The following PTBP3 variants were observed in gnomAD, a reference collection of about 807,000 sequenced individuals.
The protein encoded by PTBP3 is polypyrimidine tract binding protein 3.
A neutral mutation model predicts 58.7 loss-of-function variants in PTBP3; 20 were observed. The observed-to-expected ratio is 0.34, with a 90% confidence interval of 0.24 to 0.50. PTBP3 has a LOEUF of 0.50. Among genes scored for constraint, PTBP3 ranks in the 20% least tolerant of loss-of-function variants. The pLI is 0.98. For missense variants in PTBP3, 509 were observed against 637.2 expected, an observed-to-expected ratio of 0.80 and a Z score of 2.17; for synonymous variants, 185 against 219.8, an observed-to-expected ratio of 0.84 and a Z score of 1.40.
At chr9:112,244,670 C>T (rs1835809189) in intron 7 of PTBP3, among the ~76,000 whole-genome samples, 3 of 151,646 alleles carry the variant, frequency 2.0e-5, no homozygotes, top group Admixed American at 2.0e-4. Flanking sequence ...TGAGCAAAAC[C>T]CTGTCTCAAA....
At chr9:112,325,739 A>T (rs1206452715) in intron 1 of PTBP3, among the ~76,000 whole-genome samples, 1 of 152,162 alleles carries the variant, frequency 6.6e-6, no homozygotes, top group East Asian at 1.9e-4. Flanking sequence ...AACAGGTAAA[A>T]CTGGACAAGC....
At chr9:112,343,112 T>G in the PTBP3 span, among the ~76,000 whole-genome samples, 1 of 152,152 alleles carries the variant, frequency 6.6e-6, no homozygotes, top group East Asian at 1.9e-4. Context: ...TAGAGTATCT[T>G]GAGGCTCATT....
chr9:112,316,407 T>C lies in PTBP3; in HGVS notation c.-52+17063A>G, dbSNP rs144483886. On this transcript the variant is annotated intron_variant, in intron 1 of 13. Coordinates refer to ENST00000374257, the MANE Select transcript of PTBP3 (RefSeq NM_001163788.4). ...GAGAAGCACATGGCAAGAAATTGAG[T>C]GTGGCTTCCAGTAAGGCCTTTAGCT... Among the ~76,000 whole-genome samples the C allele has an allele frequency of 9.6e-3, 1,466 of 152,170 alleles. 9 individuals carry two copies. Among genetic ancestry groups the C allele is most frequent in the Non-Finnish European group, 0.014 (937 of 68,008 alleles).
chr9:112,317,261 A>G (rs1436687001), intron 1 of PTBP3, among the ~76,000 whole-genome samples: 11 of 151,572 alleles, frequency 7.3e-5, no homozygotes, highest in Admixed American at 7.2e-4. Context: ...AAAAGAAAAA[A>G]AAGAAAAAAA....
At chr9:112,333,628 G>A (rs573718095), upstream of PTBP3, 125 of 832,596 alleles carry the variant, frequency 1.5e-4, no homozygotes, top group South Asian at 2.5e-3. Context: ...GTGGGAACAG[G>A]GGCGGGGACC....
At chr9:112,244,980 C>G (rs2132045720) in intron 7 of PTBP3, among the ~76,000 whole-genome samples, 1 of 152,236 alleles carries the variant, frequency 6.6e-6, no homozygotes, top group African/African-American at 2.4e-5. Flanking sequence ...GACAACTAGA[C>G]CATTGTAGCA....
In PTBP3 at chr9:112,262,897, G is replaced by A. The variant is rs554283896; in HGVS notation, c.352-298C>T. ...ATTTCCTAATTTTTTAAAGACAATGGGGGAAGAAATATGAAAGCAACATTA... is the reference window on the plus strand; with the variant it reads ...ATTTCCTAATTTTTTAAAGACAATGAGGGAAGAAATATGAAAGCAACATTA... On this transcript the variant is annotated intron_variant, in intron 4 of 13. Transcript: ENST00000374257. Among the ~76,000 whole-genome samples the A allele has an allele frequency of 2.1e-4, 32 of 152,208 alleles. No homozygotes were observed. The South Asian group carries it at 6.7e-3, about 32-fold the overall frequency.
intron 2 of PTBP3, among the ~76,000 whole-genome samples, chr9:112,290,707 T>TATAC (rs377603008): frequency 9.9e-5 from 11 of 110,956 alleles, no homozygotes; most frequent in East Asian, 2.8e-4. Context: ...TATATATATA[T>TATAC]ACACACACAC....
chr9:112,338,859 G>C, the PTBP3 span, among the ~76,000 whole-genome samples: 1 of 152,186 alleles, frequency 6.6e-6, no homozygotes, highest in East Asian at 1.9e-4. Flanking sequence ...AATATGGCCA[G>C]TGCCTGGCAC....
At chr9:112,275,562 A>G (rs954360153) in intron 3 of PTBP3, among the ~76,000 whole-genome samples, 1 of 152,186 alleles carries the variant, frequency 6.6e-6, no homozygotes, top group Admixed American at 6.5e-5. Flanking sequence ...ACCACTGTGT[A>G]ATACAAAATA....
the PTBP3 span, among the ~76,000 whole-genome samples, chr9:112,349,254 G>T: frequency 6.6e-6 from 1 of 152,134 alleles, no homozygotes; most frequent in Non-Finnish European, 1.5e-5. Context: ...GGCGCTGGGA[G>T]GTTGGCATGC....
chr9:112,362,615 CTTATG>C, the PTBP3 span: 4 of 154,608 alleles, frequency 2.6e-5, no homozygotes, highest in East Asian at 1.9e-4. Context: ...AAGATTTACC[CTTATG>C]TTTTCTTTCA....
At chr9:112,267,277 T>C (rs1241069766) in intron 4 of PTBP3, among the ~76,000 whole-genome samples, 4 of 151,098 alleles carry the variant, frequency 2.6e-5, no homozygotes, top group Admixed American at 6.6e-5. Context: ...GCCATTCCCC[T>C]GTCTCAGCCT....
chr9:112,332,862 C>A, intron 1 of PTBP3: 1 of 1,610,168 alleles, frequency 6.2e-7, no homozygotes, highest in Non-Finnish European at 8.5e-7. Flanking sequence ...AGTCCAGACC[C>A]CTGGTGTCGA....
chr9:112,360,779 CT>C, the PTBP3 span, among the ~76,000 whole-genome samples: 529 of 147,060 alleles, frequency 3.6e-3, 1 homozygote, highest in African/African-American at 6.1e-3. Flanking sequence ...TTAGAATCAA[CT>C]TTTTTTTTTT....
the PTBP3 span, among the ~76,000 whole-genome samples, chr9:112,376,252 G>GT: frequency 0.079 from 5,942 of 74,982 alleles, 1,940 homozygotes; most frequent in African/African-American, 0.27. Context: ...AGTTTATTAA[G>GT]TTTTTTTTTT....
At chr9:112,289,092 T>A (rs935314352) in intron 2 of PTBP3, among the ~76,000 whole-genome samples, 3 of 152,262 alleles carry the variant, frequency 2.0e-5, no homozygotes, top group Non-Finnish European at 4.4e-5. Context: ...TAGGTGTGGC[T>A]GTGAGACTAA....
At chr9:112,263,028 C>T (rs1162813315) in intron 4 of PTBP3, among the ~76,000 whole-genome samples, 1 of 152,122 alleles carries the variant, frequency 6.6e-6, no homozygotes, top group African/African-American at 2.4e-5. Context: ...ATAGCTGATT[C>T]CAGAACTGGG....
intron 2 of PTBP3, among the ~76,000 whole-genome samples, chr9:112,290,738 A>ACACACACACACACACACACT (rs1564438731): frequency 2.0e-5 from 3 of 148,494 alleles, no homozygotes; most frequent in African/African-American, 5.0e-5. Context: ...ACACACACAC[A>ACACACACACACACACACACT]ATCAAGTGTT....
Sources: gnomAD v4.1 joint callset for allele counts (sites outside exome capture counted in the v4.1 genomes callset) on GRCh38, gnomAD v4.1.1 for gene constraint, MANE v1.5 for transcripts, NCBI Gene and HGNC (gene_info 2026-07-23, HGNC 2026-07-21) for gene names.